CACNA2D2: variants seen among roughly 807,000 people sequenced by gnomAD.
CACNA2D2 encodes calcium voltage-gated channel auxiliary subunit alpha2delta 2, also known as voltage-dependent calcium channel subunit alpha-2/delta-2.
A neutral mutation model predicts 166.4 loss-of-function variants in CACNA2D2; 48 were observed. The ratio of observed to expected loss-of-function variants is 0.29; its 90% CI spans 0.23 to 0.37. CACNA2D2 has a LOEUF of 0.37. CACNA2D2 is among the 10% of genes least tolerant of loss of function. The pLI, the probability that CACNA2D2 is intolerant of heterozygous loss-of-function variation, is 1.00. For missense variants in CACNA2D2, 1,122 were observed against 1,433.0 expected (o/e 0.78, Z 3.50); for synonymous variants, 561 against 573.7 (o/e 0.98, Z 0.32).
chr3:50,368,947 C>A (rs1035964348), intron 23 of CACNA2D2, among the ~76,000 whole-genome samples: 4 of 152,214 alleles, frequency 2.6e-5, no homozygotes, highest in African/African-American at 9.7e-5. Context: ...TCTCGCTCGA[C>A]CCCTCATTCA....
chr3:50,468,502 C>T (rs1709931033), intron 2 of CACNA2D2, among the ~76,000 whole-genome samples: 1 of 147,216 alleles, frequency 6.8e-6, no homozygotes. Context: ...ATTGAGCGGC[C>T]CTCACTTCAG....
intron 1 of CACNA2D2, among the ~76,000 whole-genome samples, chr3:50,502,969 C>A (rs1428891820): frequency 1.3e-5 from 2 of 152,224 alleles, no homozygotes; most frequent in Non-Finnish European, 2.9e-5. Context: ...GCTTGAAGAT[C>A]TTGCCTTGCC....
chr3:50,497,700 C>A (rs1266583862), intron 1 of CACNA2D2, among the ~76,000 whole-genome samples: 1 of 152,148 alleles, frequency 6.6e-6, no homozygotes, highest in Non-Finnish European at 1.5e-5. Context: ...CCCCAAGAGA[C>A]CCCTGTGGGG....
chr3:50,389,501 C>A (rs1705782962), intron 4 of CACNA2D2, among the ~76,000 whole-genome samples: 1 of 152,170 alleles, frequency 6.6e-6, no homozygotes, highest in Admixed American at 6.5e-5. Context: ...AAACCTTCCA[C>A]AAGCATGGGA....
intron 3 of CACNA2D2, among the ~76,000 whole-genome samples, chr3:50,409,789 G>C (rs2106793926): frequency 6.6e-6 from 1 of 152,340 alleles, no homozygotes; most frequent in South Asian, 2.1e-4. Context: ...GGAGGAAGTG[G>C]GCCTCTGGCT....
At chr3:50,373,305 C>A (rs1395475338) in intron 22 of CACNA2D2, among the ~76,000 whole-genome samples, 1 of 150,780 alleles carries the variant, frequency 6.6e-6, no homozygotes. Flanking sequence ...AGGAGATGAG[C>A]CCCCAGTCGG....
rs147859454 is a variant in CACNA2D2, at chr3:50,379,279, G to A, written c.1153-80C>T. On this transcript the variant is annotated intron_variant, in intron 11 of 37. Transcript: ENST00000424201. This position sits in a 1 kb window ranked among gnomAD's most constrained non-coding sequence, Gnocchi z 6.5. ...AGGGCCTCCCTCCCGCAGTGGGCCT[G>A]GACCTCTGGCCCTCCTCCCCCACAG... is the stretch of plus-strand genomic sequence containing the variant. The A allele has an allele frequency of 6.8e-7, 1 of 1,463,328 alleles. No homozygotes were observed. Among genetic ancestry groups the A allele is most frequent in the Admixed American group, 1.8e-5 (1 of 57,090 alleles). The allele number at this position is 1,463,328 out of a possible 1,614,324, so 90.6% of individuals were successfully genotyped here.
intron 3 of CACNA2D2, among the ~76,000 whole-genome samples, chr3:50,429,344 T>C (rs1707955044): frequency 6.6e-6 from 1 of 151,928 alleles, no homozygotes; most frequent in Non-Finnish European, 1.5e-5. Flanking sequence ...CAGCGACCTG[T>C]GTGAGGATTC....
chr3:50,365,050 G>A lies in CACNA2D2; in HGVS notation c.3208+25C>T, dbSNP rs1559870393. On this transcript the variant is annotated intron_variant, in intron 36 of 37. Coordinates refer to ENST00000424201, the MANE Select transcript of CACNA2D2 (RefSeq NM_006030.4). This position sits in a 1 kb window ranked among gnomAD's most constrained non-coding sequence, Gnocchi z 4.5. The stretch of plus-strand genomic sequence containing the variant: ...CGCGCGGGGCAGAGGGGGAGCGGGC[G>A]GCGGGGAGGGCGGGGGCAGGATACA... 1 of 1,601,134 alleles carries A rather than the reference G, an allele frequency of 6.2e-7. No individual in the cohort carries two copies. The highest frequency in any genetic ancestry group is 8.5e-7 in the Non-Finnish European group (1 of 1,174,184).
rs147472537 is a variant in CACNA2D2 at position 50,429,114 on chromosome 3, C to T, written c.405+5199G>A. Among the ~76,000 whole-genome samples, 122 of 152,244 alleles carry T rather than the reference C, an allele frequency of 8.0e-4. No individual in the cohort carries two copies. In the East Asian group the frequency reaches 0.013, roughly 16 times the overall value. On this transcript the variant is annotated intron_variant, in intron 3 of 37. Transcript: ENST00000424201. ...GCATGGTGACACACACCTGTAATCCCGGCTACCTGGGAGGCTGAGGCATGA... is the reference window on the plus strand; with the variant it reads ...GCATGGTGACACACACCTGTAATCCTGGCTACCTGGGAGGCTGAGGCATGA...
At chr3:50,436,312 A>G (rs1215510304) in intron 2 of CACNA2D2, among the ~76,000 whole-genome samples, 1 of 152,230 alleles carries the variant, frequency 6.6e-6, no homozygotes, top group Non-Finnish European at 1.5e-5. Context: ...AGACTCTGTC[A>G]AGGTCATTAC....
At chr3:50,501,320 AC>A (rs1698953502) in intron 1 of CACNA2D2, among the ~76,000 whole-genome samples, 1 of 151,874 alleles carries the variant, frequency 6.6e-6, no homozygotes, top group Admixed American at 6.6e-5. Flanking sequence ...GTCACAGCAA[AC>A]CCTCTGTGTT....
At chr3:50,440,618 G>T (rs770656285) in intron 2 of CACNA2D2, among the ~76,000 whole-genome samples, 1 of 152,250 alleles carries the variant, frequency 6.6e-6, no homozygotes, top group African/African-American at 2.4e-5. Flanking sequence ...ACGGGCTACA[G>T]TGGAGGTCAC....
chr3:50,384,920 C>T (rs1348191636), intron 5 of CACNA2D2, among the ~76,000 whole-genome samples: 1 of 152,198 alleles, frequency 6.6e-6, no homozygotes, highest in East Asian at 1.9e-4. Flanking sequence ...GAGAGCTGGG[C>T]TGGGGGCTAC....
At chr3:50,404,198 T>TG (rs1187419463) in intron 3 of CACNA2D2, among the ~76,000 whole-genome samples, 1 of 151,778 alleles carries the variant, frequency 6.6e-6, no homozygotes, top group Non-Finnish European at 1.5e-5. Flanking sequence ...CAAGATGGTG[T>TG]GGGGGGTGAA....
chr3:50,429,481 G>A (rs888365039), intron 3 of CACNA2D2, among the ~76,000 whole-genome samples: 10 of 151,304 alleles, frequency 6.6e-5, no homozygotes, highest in South Asian at 4.2e-4. Context: ...GGCCGGGCGC[G>A]GTGGCTCACG....
chr3:50,431,265 CAT>C (rs1449270084), intron 3 of CACNA2D2, among the ~76,000 whole-genome samples: 1 of 152,094 alleles, frequency 6.6e-6, no homozygotes, highest in Non-Finnish European at 1.5e-5. Context: ...ACATTTAAAA[CAT>C]AATTAAAACC....
chr3:50,443,292 T>C (rs1708692157), intron 2 of CACNA2D2, among the ~76,000 whole-genome samples: 1 of 152,176 alleles, frequency 6.6e-6, no homozygotes, highest in African/African-American at 2.4e-5. Context: ...TCCCGCTGCC[T>C]CCCCATCCAG....
chr3:50,435,092 G>T (rs1708248104), intron 2 of CACNA2D2, among the ~76,000 whole-genome samples: 1 of 152,122 alleles, frequency 6.6e-6, no homozygotes, highest in South Asian at 2.1e-4. Context: ...CTCCAAGGGG[G>T]GTGGGTCTGT....
Sources: gnomAD v4.1 joint callset for allele counts (sites outside exome capture counted in the v4.1 genomes callset) on GRCh38, gnomAD v4.1.1 for gene constraint, Gnocchi (gnomAD v3.1) non-coding constraint, MANE v1.5 for transcripts, NCBI Gene and HGNC (gene_info 2026-07-23, HGNC 2026-07-21) for gene names.